ZFPM2: variants seen among roughly 807,000 people sequenced by gnomAD.
ZFPM2 encodes the protein zinc finger protein ZFPM2.
Under a neutral mutation model 98.6 loss-of-function variants are expected in ZFPM2, and 20 were observed. That is an observed-to-expected ratio of 0.20 (90% CI 0.14 to 0.29). The LOEUF is 0.29. ZFPM2 is among the 10% of genes least tolerant of loss of function. The pLI, the probability that ZFPM2 is intolerant of heterozygous loss-of-function variation, is 1.00. For synonymous variants in ZFPM2, 518 were observed against 502.7 expected, an observed-to-expected ratio of 1.03 and a Z score of -0.41; for missense variants, 1,310 against 1,388.6, an observed-to-expected ratio of 0.94 and a Z score of 0.90.
chr8:105,413,128 A>T (rs1032033710), intron 1 of ZFPM2, among the ~76,000 whole-genome samples: 1 of 151,730 alleles, frequency 6.6e-6, no homozygotes. Flanking sequence ...TCATACTAAA[A>T]TTTTCCTATT....
intron 5 of ZFPM2, chr8:105,691,074 A>G (rs1434709975): frequency 6.6e-6 from 1 of 152,076 alleles, no homozygotes; most frequent in African/African-American, 2.4e-5. Context: ...CTCCTACTCA[A>G]TAGCCCCCAA....
rs1814127186 is a variant in ZFPM2 at position 105,803,930 on chromosome 8, C to A, written c.*392C>A. ...AATAGCTTCAAAAGCACTTGTGTAT[C>A]TTGATTTTTTCTTATATGCTGTTGC... On this transcript the variant is annotated 3_prime_UTR_variant, in exon 8 of 8. Transcript: ENST00000407775. 1 of 164,734 alleles carries A rather than the reference C, an allele frequency of 6.1e-6. No individual in the cohort carries two copies. The highest frequency in any genetic ancestry group is 2.4e-5 in the African/African-American group (1 of 41,556). The allele number at this position is 164,734 out of a possible 1,614,324, so 10.2% of individuals were successfully genotyped here.
chr8:105,802,778 A>G lies in ZFPM2; in HGVS notation c.2696A>G (p.Glu899Gly), dbSNP rs1381264928. Residue 899 changes from glutamate to glycine, a missense_variant, in exon 8 of 8, where the codon GAA (glutamate) becomes GGA (glycine). Transcript: ENST00000407775. ...QLDGKVFPNP[E>G]SERNSPDVSY... ...GACGGCAAAGTGTTTCCGAATCCAG[A>G]AAGCGAACGAAACAGCCCTGATGTC... 2 of 1,613,596 alleles carry G rather than the reference A, an allele frequency of 1.2e-6. No individual in the cohort carries two copies. Among genetic ancestry groups the G allele is most frequent in the African/African-American group, 1.3e-5 (1 of 74,936 alleles).
intron 6 of ZFPM2, among the ~76,000 whole-genome samples, chr8:105,791,872 T>A (rs913982678): frequency 7.2e-5 from 11 of 152,230 alleles, no homozygotes; most frequent in Non-Finnish European, 1.6e-4. Context: ...TCTAGTTTAT[T>A]TGCATAGAGG....
In ZFPM2 at chr8:105,593,818, C is replaced by A. The variant is rs1211976688; in HGVS notation, c.420+32337C>A. The stretch of plus-strand genomic sequence containing the variant: ...AGTTGCAAAAAAAATTGTGATTTTT[C>A]AAGTAAAAAAAAATCCCTGAAAGAA... On this transcript the variant is annotated intron_variant, in intron 4 of 7. Coordinates refer to ENST00000407775, the MANE Select transcript of ZFPM2 (RefSeq NM_012082.4). Among the ~76,000 whole-genome samples the A allele has an allele frequency of 2.7e-5, 4 of 149,288 alleles. No homozygotes were observed. In the East Asian group the frequency reaches 7.8e-4, roughly 29 times the overall value.
chr8:105,556,269 G>A (rs989376803), intron 3 of ZFPM2, among the ~76,000 whole-genome samples: 3 of 152,088 alleles, frequency 2.0e-5, no homozygotes, highest in African/African-American at 4.8e-5. Context: ...CAGGATATGA[G>A]GAGTGATTTG....
intron 1 of ZFPM2, among the ~76,000 whole-genome samples, chr8:105,398,288 G>A (rs1010454886): frequency 6.6e-6 from 1 of 152,024 alleles, no homozygotes; most frequent in Non-Finnish European, 1.5e-5. Context: ...GTGTCCATCA[G>A]CATTCCTCTG....
chr8:105,370,041 T>A (rs1810587967), intron 1 of ZFPM2, among the ~76,000 whole-genome samples: 1 of 152,194 alleles, frequency 6.6e-6, no homozygotes, highest in Admixed American at 6.5e-5. Context: ...TGTTAAAATG[T>A]ATGGTAATAA....
intron 5 of ZFPM2, among the ~76,000 whole-genome samples, chr8:105,649,356 T>C (rs2130864894): frequency 6.6e-6 from 1 of 152,258 alleles, no homozygotes; most frequent in South Asian, 2.1e-4. Context: ...CTTTTCCTAA[T>C]TGAATACCCT....
chr8:105,641,935 C>T (rs1285642159), intron 5 of ZFPM2, among the ~76,000 whole-genome samples: 5 of 151,946 alleles, frequency 3.3e-5, no homozygotes, highest in East Asian at 3.9e-4. Flanking sequence ...TGTCTCTTAA[C>T]GGTAGAAACC....
At chr8:105,599,310 A>G (rs558005157) in intron 4 of ZFPM2, among the ~76,000 whole-genome samples, 1 of 151,076 alleles carries the variant, frequency 6.6e-6, no homozygotes, top group East Asian at 2.0e-4. Flanking sequence ...AGTGCTGGAT[A>G]GTTTGCCTGC....
At chr8:105,371,962 A>G (rs1402142794) in intron 1 of ZFPM2, among the ~76,000 whole-genome samples, 3 of 151,528 alleles carry the variant, frequency 2.0e-5, no homozygotes, top group African/African-American at 7.3e-5. Context: ...TAGTGCATGC[A>G]ACTTACATTT....
chr8:105,506,999 A>AC (rs1813715465), intron 3 of ZFPM2, among the ~76,000 whole-genome samples: 1 of 151,962 alleles, frequency 6.6e-6, no homozygotes, highest in Non-Finnish European at 1.5e-5. Flanking sequence ...AAAAAAAAAA[A>AC]AAAAACAAAA....
At chr8:105,368,151 C>A (rs1810544881) in intron 1 of ZFPM2, among the ~76,000 whole-genome samples, 1 of 131,976 alleles carries the variant, frequency 7.6e-6, no homozygotes, top group African/African-American at 2.9e-5. Context: ...AGGATTTTTG[C>A]ATCAATGTTC....
intron 6 of ZFPM2, among the ~76,000 whole-genome samples, chr8:105,791,888 G>A (rs367560230): frequency 2.6e-5 from 4 of 152,130 alleles, no homozygotes; most frequent in Non-Finnish European, 4.4e-5. Context: ...AGAGGTGTTT[G>A]TAGTATTCTC....
At chr8:105,692,307 A>G (rs1369434440) in intron 5 of ZFPM2, among the ~76,000 whole-genome samples, 1 of 152,198 alleles carries the variant, frequency 6.6e-6, no homozygotes, top group Non-Finnish European at 1.5e-5. Flanking sequence ...CCATATTTGT[A>G]TGTGTGTTAT....
At chr8:105,479,179 G>A (rs561116192) in intron 3 of ZFPM2, among the ~76,000 whole-genome samples, 2 of 152,150 alleles carry the variant, frequency 1.3e-5, no homozygotes, top group East Asian at 1.9e-4. Flanking sequence ...CCAATGCTAC[G>A]ATATTCTGAT....
intron 5 of ZFPM2, among the ~76,000 whole-genome samples, chr8:105,689,366 T>C (rs987395650): frequency 2.6e-5 from 4 of 152,200 alleles, no homozygotes; most frequent in African/African-American, 9.6e-5. Context: ...CACAGACATA[T>C]TATGTTTTGC....
chr8:105,503,020 A>C (rs1160506764), intron 3 of ZFPM2, among the ~76,000 whole-genome samples: 1 of 152,200 alleles, frequency 6.6e-6, no homozygotes, highest in Non-Finnish European at 1.5e-5. Flanking sequence ...CCAAAAGGAG[A>C]GAGTCCAAGT....
Sources: gnomAD v4.1 joint callset for allele counts (sites outside exome capture counted in the v4.1 genomes callset) on GRCh38, gnomAD v4.1.1 for gene constraint, MANE v1.5 for transcripts, NCBI Gene and HGNC (gene_info 2026-07-23, HGNC 2026-07-21) for gene names.